The following TSPAN1 variants were observed in gnomAD, a reference collection of about 807,000 sequenced individuals.
The protein encoded by TSPAN1 is tetraspanin-1.
A neutral mutation model predicts 26.9 loss-of-function variants in TSPAN1; 23 were observed. That is an observed-to-expected ratio of 0.85 (90% CI 0.62 to 1.21). The LOEUF (loss-of-function observed/expected upper bound fraction) is 1.21, where lower values mean the gene tolerates loss of function less well. Among genes scored for constraint, TSPAN1 ranks in the 50% most tolerant of loss-of-function variants. The pLI, the probability that TSPAN1 is intolerant of heterozygous loss-of-function variation, is 0.00. For missense variants in TSPAN1, 283 were observed against 298.4 expected (o/e 0.95, Z 0.38); for synonymous variants, 115 against 114.8 (o/e 1.00, Z -0.01).
chr1:46,187,860 C>T (rs547134962), downstream of TSPAN1, among the ~76,000 whole-genome samples: 16 of 152,332 alleles, frequency 1.1e-4, no homozygotes, highest in African/African-American at 3.8e-4. Context: ...GCTCCAAGCA[C>T]CTGTGAAAGA....
intron 3 of TSPAN1, among the ~76,000 whole-genome samples, chr1:46,182,317 A>AAAAAAAAAAAAAAAAAAAAAAAAAC (rs1657332418): frequency 6.8e-6 from 1 of 146,228 alleles, no homozygotes; most frequent in African/African-American, 2.5e-5. Context: ...AAAAAAAAAA[A>AAAAAAAAAAAAAAAAAAAAAAAAAC]GCCACTGTGA....
chr1:46,183,200 A>T (rs1657351443), intron 3 of TSPAN1, among the ~76,000 whole-genome samples: 2 of 152,182 alleles, frequency 1.3e-5, no homozygotes, highest in Admixed American at 1.3e-4. Flanking sequence ...AGAGGGTTAA[A>T]GGCAAATCCG....
At chr1:46,178,674 T>C (rs1217005610) in intron 1 of TSPAN1, among the ~76,000 whole-genome samples, 1 of 152,212 alleles carries the variant, frequency 6.6e-6, no homozygotes, top group Admixed American at 6.5e-5. Context: ...TTGCTCTTTA[T>C]GGAAGCCAGC....
chr1:46,185,316 G>A lies in TSPAN1; in HGVS notation c.678+8G>A. ...GGAATTGGGGGCCTCGAGGTAAGCAGATGAGGAGGCTGGGACTGGGACATG... is the reference window on the plus strand; with the variant it reads ...GGAATTGGGGGCCTCGAGGTAAGCAAATGAGGAGGCTGGGACTGGGACATG... On this transcript the variant is annotated splice_region_variant and intron_variant, in intron 8 of 8. Coordinates refer to ENST00000372003, the MANE Select transcript of TSPAN1 (RefSeq NM_005727.4). 1 of 1,613,984 alleles carries A rather than the reference G, an allele frequency of 6.2e-7. No homozygotes were observed. The highest frequency in any genetic ancestry group is 8.5e-7 in the Non-Finnish European group (1 of 1,179,998).
At chr1:46,180,991 G>C in intron 2 of TSPAN1, 109 bp from the exon 3 acceptor site, 1 of 872,038 alleles carries the variant, frequency 1.1e-6, no homozygotes, top group Non-Finnish European at 1.8e-6. Flanking sequence ...GTGAGATATG[G>C]GTTCAGGATC....
At chr1:46,187,965 ACT>A (rs1318697892), downstream of TSPAN1, among the ~76,000 whole-genome samples, 1 of 151,622 alleles carries the variant, frequency 6.6e-6, no homozygotes, top group East Asian at 1.9e-4. Context: ...GGTGCTCCAC[ACT>A]CATCCTCCTG....
chr1:46,195,029 G>C, the TSPAN1 span: 1 of 1,374,918 alleles, frequency 7.3e-7, no homozygotes, highest in Non-Finnish European at 1.0e-6. Context: ...CACAGAGCAC[G>C]AACTATGTAG....
intron 1 of TSPAN1, 36 bp downstream of exon 1, chr1:46,175,445 G>A: frequency 2.5e-6 from 1 of 395,240 alleles, no homozygotes; most frequent in Non-Finnish European, 4.5e-6. Context: ...CTCACGCCCT[G>A]CATAGTCAGC....
chr1:46,180,171 G>C (rs1392137731), intron 1 of TSPAN1, among the ~76,000 whole-genome samples: 1 of 152,278 alleles, frequency 6.6e-6, no homozygotes. Flanking sequence ...GGTGCTTGCT[G>C]TATGAACATA....
downstream of TSPAN1, chr1:46,188,844 C>G (rs757216968): frequency 3.1e-6 from 5 of 1,612,924 alleles, no homozygotes; most frequent in Non-Finnish European, 4.2e-6. Flanking sequence ...GGGTTGGGCA[C>G]AGCAGTTTCC....
chr1:46,186,502 T>G (rs12132921), downstream of TSPAN1, among the ~76,000 whole-genome samples: 29,135 of 147,510 alleles, frequency 0.2, 2,574 homozygotes, highest in Admixed American at 0.24. Context: ...TTTTTTTTTT[T>G]TTTTTGGGAC....
At chr1:46,193,748 C>T in the TSPAN1 span, 13 of 1,596,388 alleles carry the variant, frequency 8.1e-6, no homozygotes, top group East Asian at 4.5e-5. Flanking sequence ...GAGGTGAATG[C>T]GTCTAGAATC....
chr1:46,193,648 C>G, the TSPAN1 span: 1 of 1,614,016 alleles, frequency 6.2e-7, no homozygotes, highest in African/African-American at 1.3e-5. Flanking sequence ...TCCTGGGGAG[C>G]CCAGGGATAG....
At chr1:46,189,541 C>T, downstream of TSPAN1, 1 of 1,612,834 alleles carries the variant, frequency 6.2e-7, no homozygotes, top group South Asian at 1.1e-5. Flanking sequence ...GGTTGCCACG[C>T]ACATCCAGGT....
intron 1 of TSPAN1, among the ~76,000 whole-genome samples, chr1:46,177,879 G>A (rs1571634224): frequency 6.6e-6 from 1 of 152,184 alleles, no homozygotes; most frequent in Non-Finnish European, 1.5e-5. Context: ...GCTCAGTGAG[G>A]TGAAGTCACA....
intron 3 of TSPAN1, chr1:46,183,919 A>C (rs1017983292): frequency 4.6e-5 from 24 of 522,402 alleles, no homozygotes; most frequent in South Asian, 2.8e-4. Flanking sequence ...GCAGTGAGGG[A>C]AAGTCTTGCC....
chr1:46,194,360 G>A, the TSPAN1 span: 15 of 1,614,202 alleles, frequency 9.3e-6, no homozygotes, highest in Admixed American at 1.7e-5. Flanking sequence ...AAGCGCCGGC[G>A]GCGACGGTTC....
downstream of TSPAN1, chr1:46,189,783 C>T: frequency 2.5e-6 from 4 of 1,602,872 alleles, no homozygotes; most frequent in Non-Finnish European, 2.6e-6. Flanking sequence ...AGAGCAAAGG[C>T]TCCCTGGATC....
At chr1:46,179,160 A>C (rs1657252283) in intron 1 of TSPAN1, among the ~76,000 whole-genome samples, 1 of 136,410 alleles carries the variant, frequency 7.3e-6, no homozygotes, top group Admixed American at 7.1e-5. Context: ...TCATCTGTTT[A>C]AAAAAAAAAA....
Sources: gnomAD v4.1 joint callset for allele counts (sites outside exome capture counted in the v4.1 genomes callset) on GRCh38, gnomAD v4.1.1 for gene constraint, MANE v1.5 for transcripts, NCBI Gene and HGNC (gene_info 2026-07-23, HGNC 2026-07-21) for gene names.